The following LRRC4C variants were observed in gnomAD, a reference collection of about 807,000 sequenced individuals.
The protein encoded by LRRC4C is leucine rich repeat containing 4C.
A neutral mutation model predicts 33.6 loss-of-function variants in LRRC4C; 5 were observed. The ratio of observed to expected loss-of-function variants is 0.15; its 90% CI spans 0.08 to 0.31. LRRC4C has a LOEUF of 0.31. LRRC4C is among the 10% of genes least tolerant of loss of function. The probability of loss-of-function intolerance (pLI) is 1.00; values close to 1 mark genes in which losing one functional copy is unlikely to be tolerated. For missense variants in LRRC4C, 560 were observed against 796.7 expected, an observed-to-expected ratio of 0.70 and a Z score of 3.58; for synonymous variants, 329 against 302.0, an observed-to-expected ratio of 1.09 and a Z score of -0.93.
intron 1 of LRRC4C, among the ~76,000 whole-genome samples, chr11:41,389,015 T>C (rs988856730): frequency 4.0e-5 from 6 of 151,598 alleles, no homozygotes; most frequent in Non-Finnish European, 5.9e-5. Flanking sequence ...CAATCTACAG[T>C]CTGGCTAGGA....
In LRRC4C at chr11:40,247,113, CTT is replaced by C. The variant is rs11362328; in HGVS notation, c.-175-5517_-175-5516del. On this transcript the variant is annotated intron_variant, in intron 4 of 6. Coordinates refer to ENST00000528697, the MANE Select transcript of LRRC4C (RefSeq NM_001258419.2). ...AGCCTGTAACTCCTTCCTTTTCTCT[CTT>C]TTTTTTTTTTTAACTAATTTAAATA... Among the ~76,000 whole-genome samples the C allele has an allele frequency of 7.2e-3, 1,070 of 148,646 alleles. 18 individuals are homozygous for C. Among genetic ancestry groups the C allele is most frequent in the African/African-American group, 0.025 (1,014 of 40,482 alleles).
At chr11:40,326,824 T>C (rs527625638) in intron 3 of LRRC4C, among the ~76,000 whole-genome samples, 8 of 152,068 alleles carry the variant, frequency 5.3e-5, no homozygotes, top group African/African-American at 1.9e-4. Context: ...TTGATCTGAG[T>C]TTTTTAAAGA....
At chr11:41,268,589 C>CT (rs943413125) in intron 1 of LRRC4C, among the ~76,000 whole-genome samples, 14 of 152,164 alleles carry the variant, frequency 9.2e-5, no homozygotes, top group African/African-American at 3.4e-4. Context: ...ATTCACAGCA[C>CT]TTTTTTTGGA....
intron 1 of LRRC4C, among the ~76,000 whole-genome samples, chr11:41,187,576 CT>C (rs1262880916): frequency 6.6e-6 from 1 of 152,216 alleles, no homozygotes; most frequent in Non-Finnish European, 1.5e-5. Flanking sequence ...GCCTTGCACT[CT>C]TTCTCCAAGC....
At chr11:40,842,921 A>G (rs1372506123) in intron 2 of LRRC4C, among the ~76,000 whole-genome samples, 1 of 152,134 alleles carries the variant, frequency 6.6e-6, no homozygotes, top group East Asian at 1.9e-4. Flanking sequence ...GCAAAGTGAC[A>G]CTTCTTACCC....
At chr11:40,581,513 A>G (rs1309547501) in intron 3 of LRRC4C, among the ~76,000 whole-genome samples, 1 of 152,090 alleles carries the variant, frequency 6.6e-6, no homozygotes, top group Non-Finnish European at 1.5e-5. Flanking sequence ...TTTTGTCAAC[A>G]TTAATTTTTG....
chr11:40,633,373 C>CTTTCTT (rs759611504), intron 3 of LRRC4C, among the ~76,000 whole-genome samples: 8 of 36,060 alleles, frequency 2.2e-4, no homozygotes, highest in South Asian at 8.2e-4. Flanking sequence ...TTCTTTCTTT[C>CTTTCTT]TCTCTCTTTC....
chr11:40,467,685 A>G (rs1042176600), intron 3 of LRRC4C, among the ~76,000 whole-genome samples: 2 of 152,162 alleles, frequency 1.3e-5, no homozygotes, highest in African/African-American at 4.8e-5. Flanking sequence ...AAAAATGGAC[A>G]CTGACACAGC....
At chr11:40,195,934 A>T (rs1276374230) in intron 5 of LRRC4C, among the ~76,000 whole-genome samples, 1 of 152,198 alleles carries the variant, frequency 6.6e-6, no homozygotes, top group Non-Finnish European at 1.5e-5. Flanking sequence ...CCGATATAGT[A>T]CTTCAGTAAT....
At chr11:41,250,153 A>C (rs533925842) in intron 1 of LRRC4C, among the ~76,000 whole-genome samples, 2 of 152,312 alleles carry the variant, frequency 1.3e-5, no homozygotes, top group South Asian at 4.1e-4. Flanking sequence ...TGGGCAACAG[A>C]GCAAGACTTC....
intron 1 of LRRC4C, among the ~76,000 whole-genome samples, chr11:41,214,272 T>C (rs1946940691): frequency 6.6e-6 from 1 of 152,120 alleles, no homozygotes; most frequent in Non-Finnish European, 1.5e-5. Flanking sequence ...AAATAACCTC[T>C]ACTGTTGCCA....
At chr11:40,927,149 G>C (rs1206959843) in intron 2 of LRRC4C, among the ~76,000 whole-genome samples, 1 of 152,128 alleles carries the variant, frequency 6.6e-6, no homozygotes, top group Non-Finnish European at 1.5e-5. Context: ...GCTGAGGCGG[G>C]TGGACCATGA....
chr11:41,413,191 A>T (rs1203556888), intron 1 of LRRC4C, among the ~76,000 whole-genome samples: 4 of 152,214 alleles, frequency 2.6e-5, no homozygotes, highest in Admixed American at 2.0e-4. Flanking sequence ...CATACAAGGA[A>T]TGGAAAAAGT....
chr11:40,499,764 G>A (rs1375281262), intron 3 of LRRC4C, among the ~76,000 whole-genome samples: 3 of 152,242 alleles, frequency 2.0e-5, no homozygotes, highest in Admixed American at 6.5e-5. Flanking sequence ...CCAAAGAAAC[G>A]TGAAAGGGGA....
intron 1 of LRRC4C, among the ~76,000 whole-genome samples, chr11:41,306,713 A>C (rs1950515426): frequency 6.6e-6 from 1 of 152,212 alleles, no homozygotes; most frequent in Admixed American, 6.5e-5. Context: ...AATTCCTTTA[A>C]CCTTGGGTGG....
At chr11:40,377,633 A>G (rs893984613) in intron 3 of LRRC4C, among the ~76,000 whole-genome samples, 2 of 152,092 alleles carry the variant, frequency 1.3e-5, no homozygotes, top group Non-Finnish European at 2.9e-5. Flanking sequence ...GCATTGAGGT[A>G]GCCTACAGAC....
intron 3 of LRRC4C, among the ~76,000 whole-genome samples, chr11:40,326,653 A>C (rs1313100301): frequency 1.3e-5 from 2 of 152,212 alleles, no homozygotes; most frequent in Non-Finnish European, 2.9e-5. Context: ...AGGACGAACA[A>C]AAAAACATTG....
At chr11:40,826,350 A>G (rs1326288030) in intron 2 of LRRC4C, among the ~76,000 whole-genome samples, 1 of 151,990 alleles carries the variant, frequency 6.6e-6, no homozygotes, top group Non-Finnish European at 1.5e-5. Flanking sequence ...TACAGCCTGA[A>G]GGATTCCAAA....
intron 5 of LRRC4C, among the ~76,000 whole-genome samples, chr11:40,198,048 A>T (rs1862406077): frequency 6.6e-6 from 1 of 152,168 alleles, no homozygotes; most frequent in Non-Finnish European, 1.5e-5. Flanking sequence ...GATGGGGAAA[A>T]GTTCACGTGC....
Sources: gnomAD v4.1 joint callset for allele counts (sites outside exome capture counted in the v4.1 genomes callset) on GRCh38, gnomAD v4.1.1 for gene constraint, MANE v1.5 for transcripts, NCBI Gene and HGNC (gene_info 2026-07-23, HGNC 2026-07-21) for gene names.